Variants in KEL observed in about 807,000 individuals in gnomAD.
KEL encodes Kell metallo-endopeptidase (Kell blood group).
A neutral mutation model predicts 99.5 loss-of-function variants in KEL; 96 were observed. The ratio of observed to expected loss-of-function variants is 0.97; its 90% CI spans 0.82 to 1.14. The LOEUF is 1.14. Among genes scored for constraint, KEL ranks in the 50% most tolerant of loss-of-function variants. The pLI is 0.00. For synonymous variants in KEL, 355 were observed against 354.8 expected (o/e 1.00, Z -0.01); for missense variants, 926 against 924.2 (o/e 1.00, Z -0.03).
Position 142,958,427 on chromosome 7 carries a change from C to A in KEL, c.402G>T (p.Glu134Asp). Reference sequence around the variant, plus strand: ...AGCCTGGGTGCCAGGAATTCTGGACCTCTAGAAAGGAAGCATGGGAGTGAG... The same window carrying A: ...AGCCTGGGTGCCAGGAATTCTGGACATCTAGAAAGGAAGCATGGGAGTGAG... Reference protein sequence around the residue: ...KNKNRLRRILEVQNSWHPGSG... With the variant: ...KNKNRLRRILDVQNSWHPGSG... The change falls in exon 5 of 19, where the codon GAG becomes GAT. Residue 134 changes from glutamate to aspartate, a missense_variant and splice_region_variant. By Grantham distance (45) the Glu-to-Asp change is conservative. Coordinates refer to ENST00000355265, the MANE Select transcript of KEL (RefSeq NM_000420.3). The A allele has an allele frequency of 6.2e-7, 1 of 1,613,916 alleles. No homozygotes were observed. The highest frequency in any genetic ancestry group is 8.5e-7 in the Non-Finnish European group (1 of 1,179,996).
chr7:142,943,464 AC>A, intron 15 of KEL, 21 bp downstream of exon 15: 1 of 1,607,804 alleles, frequency 6.2e-7, no homozygotes, highest in East Asian at 2.2e-5. Context: ...CTCCCTACCT[AC>A]CCTTACAGAG....
chr7:142,957,130 T>C (rs1796846826), intron 6 of KEL, among the ~76,000 whole-genome samples: 1 of 152,174 alleles, frequency 6.6e-6, no homozygotes, highest in Admixed American at 6.5e-5. Context: ...AGAGCAGGGC[T>C]TCACCTAACT....
intron 15 of KEL, 50 bp downstream of exon 15, chr7:142,943,436 T>C (rs1796421939): frequency 1.2e-6 from 2 of 1,604,900 alleles, no homozygotes; most frequent in African/African-American, 1.3e-5. Context: ...ATAACACCTG[T>C]CGGCCCCTCT....
intron 4 of KEL, among the ~76,000 whole-genome samples, chr7:142,959,543 TA>T (rs977359780): frequency 1.3e-5 from 2 of 152,022 alleles, no homozygotes; most frequent in African/African-American, 4.8e-5. Flanking sequence ...TTGAAGAAAT[TA>T]GACAAATTCA....
chr7:142,942,142 G>C (rs1796376402), intron 18 of KEL: 2 of 502,362 alleles, frequency 4.0e-6, no homozygotes, highest in Admixed American at 6.6e-5. Context: ...GTATTTTGGG[G>C]GTATGAGAGG....
At chr7:142,961,283 C>G in intron 3 of KEL, 77 bp downstream of exon 3, 4 of 1,603,030 alleles carry the variant, frequency 2.5e-6, no homozygotes, top group Non-Finnish European at 3.4e-6. Flanking sequence ...GGCAGAAGCC[C>G]CAGGAGCAGG....
chr7:142,961,256 C>A (rs975528644), intron 3 of KEL, 104 bp downstream of exon 3: 72 of 1,560,380 alleles, frequency 4.6e-5, no homozygotes, highest in Non-Finnish European at 6.2e-5. Context: ...ACCATGGGGA[C>A]CCCAAGGGTC....
intron 3 of KEL, 80 bp downstream of exon 3, chr7:142,961,280 G>GC (rs751257169): frequency 1.3e-4 from 203 of 1,596,104 alleles, no homozygotes; most frequent in Non-Finnish European, 1.5e-4. Flanking sequence ...GTGGGCAGAA[G>GC]CCCCAGGAGC....
rs1796761660 is a variant in KEL at position 142,954,100 on chromosome 7, G to A, written c.924+84C>T. 1.4e-5 allele frequency: 20 copies of A among 1,445,216 alleles called. No individual in the cohort carries two copies. In the Admixed American group the frequency reaches 2.4e-4, roughly 18 times the overall value. 89.5% of individuals were successfully genotyped at this position (1,445,216 alleles called of 1,614,324 possible). On this transcript the variant is annotated intron_variant, in intron 8 of 18. Transcript: ENST00000355265. ...GAGACAGAATGAAAAGGTATTAAGG[G>A]CACTAGGAGGAAGAAGGAAAGGAGG...
At chr7:142,954,060 G>T (rs1383316964) in intron 8 of KEL, 104 bp from the exon 9 acceptor site, 2 of 1,416,356 alleles carry the variant, frequency 1.4e-6, no homozygotes, top group African/African-American at 1.4e-5. Flanking sequence ...CTAACTGGGG[G>T]AGGGGATGGA....
chr7:142,962,145 T>C (rs1046008966), intron 1 of KEL, 59 bp downstream of exon 1: 2 of 1,613,794 alleles, frequency 1.2e-6, no homozygotes, highest in Non-Finnish European at 1.7e-6. Context: ...GGCAGGACTT[T>C]TGCACACAGC....
At chr7:142,946,056 C>T (rs1796515524) in intron 11 of KEL, 151 bp downstream of exon 11, 1 of 659,132 alleles carries the variant, frequency 1.5e-6, no homozygotes, top group Admixed American at 2.2e-5. Flanking sequence ...ATGGAGCAGG[C>T]CTTTGGGTTC....
chr7:142,942,387 T>C (rs1291322252), intron 18 of KEL, 47 bp downstream of exon 18: 1 of 1,362,402 alleles, frequency 7.3e-7, no homozygotes, highest in East Asian at 2.4e-5. Context: ...TAATAAGGCG[T>C]TCAACTGACA....
rs758343933 is a variant in KEL, at chr7:142,954,375, G to A, written c.736-3C>T. 8 of 1,614,114 alleles carry A rather than the reference G, an allele frequency of 5.0e-6. No individual in the cohort carries two copies. Among genetic ancestry groups the A allele is most frequent in the South Asian group, 1.1e-5 (1 of 91,076 alleles). On this transcript the variant is annotated splice_region_variant and splice_polypyrimidine_tract_variant and intron_variant, in intron 7 of 18. Transcript: ENST00000355265. ...TAAGTCAGGTATTCCCGAAAGATCT[G>A]GAGGAAGGAAATGTCAGTCACAGGT...
At position 142,960,948 on chromosome 7, in the gene KEL, T is replaced by A. The variant is rs749011202; in HGVS notation, c.380A>T (p.Asn127Ile). Reference sequence around the variant, plus strand: ...CTCACCCAGTATTCTCCGAAGTCGGTTTTTGTTCTTTGTGGCAAGCTCCTG... The same window carrying A: ...CTCACCCAGTATTCTCCGAAGTCGGATTTTGTTCTTTGTGGCAAGCTCCTG... ...SFQELATKNK[N>I]RLRRILEVQN... The change falls in exon 4 of 19, where the codon AAC becomes ATC. Residue 127 changes from asparagine (N) to isoleucine (I), a missense_variant. Physicochemically the swap from Asn to Ile is moderately radical, Grantham distance 149 (BLOSUM62 -3). Transcript: ENST00000355265. 6.2e-7 allele frequency: 1 copy of A among 1,614,060 alleles called. No individual in the cohort carries two copies. The highest frequency in any genetic ancestry group is 1.3e-5 in the African/African-American group (1 of 74,924).
rs72104159 is a variant in KEL, at chr7:142,948,899, G to GACACACACACACACAC, written c.1204-2598_1204-2583dup. On this transcript the variant is annotated intron_variant, in intron 10 of 18. Coordinates refer to ENST00000355265, the MANE Select transcript of KEL (RefSeq NM_000420.3). Reference sequence around the variant, plus strand: ...AGCCCAGTGTTTCCCAAGCTTCACAGACACACACACACACACACACACACA... The same window carrying GACACACACACACACAC: ...AGCCCAGTGTTTCCCAAGCTTCACAGACACACACACACACACACACACACACACACACACACACACA... Among the ~76,000 whole-genome samples, 686 of 142,256 alleles carry GACACACACACACACAC rather than the reference G, an allele frequency of 4.8e-3. 8 individuals are homozygous for GACACACACACACACAC. The highest frequency in any genetic ancestry group is 0.016 in the African/African-American group (627 of 39,152). The allele number at this position is 142,256 out of a possible 152,430, so 93.3% of individuals were successfully genotyped here.
At position 142,943,274 on chromosome 7, in the gene KEL, A is replaced by C; in HGVS notation, c.1771+2T>G. ...CACCTCCCAGTGGCCCCTGTTACCC[A>C]CAGAGCTGGTAGAAGATGTGCAACA... On this transcript the variant is annotated splice_donor_variant, in intron 16 of 18. Transcript: ENST00000355265. LOFTEE classifies it high-confidence loss of function. The C allele has an allele frequency of 1.2e-6, 2 of 1,613,554 alleles. No individual in the cohort carries two copies. Among genetic ancestry groups the C allele is most frequent in the Non-Finnish European group, 1.7e-6 (2 of 1,179,762 alleles).
At chr7:142,944,289 G>A (rs2116643544) in intron 13 of KEL, 34 bp downstream of exon 13, 3 of 1,530,602 alleles carry the variant, frequency 2.0e-6, no homozygotes, top group South Asian at 1.1e-5. Context: ...AGAAGTCAAG[G>A]ACTGAAAAGG....
Position 142,943,549 on chromosome 7 carries a change from T to C in KEL, c.1640A>G (p.Asp547Gly). 1 of 1,614,108 alleles carries C rather than the reference T, an allele frequency of 6.2e-7. No individual in the cohort carries two copies. Among genetic ancestry groups the C allele is most frequent in the Non-Finnish European group, 8.5e-7 (1 of 1,180,012 alleles). ...TCCAGCTGGAAAGACTACCACATGG[T>C]CAGATACCGAATAGTAAGCATTGAC... ...WDVNAYYSVSDHVVVFPAGLL... is the reference protein window; with the variant it reads ...WDVNAYYSVSGHVVVFPAGLL... The change falls in exon 15 of 19, where the codon GAC (aspartate) becomes GGC (glycine). Residue 547 changes from aspartate to glycine, a missense_variant. By Grantham distance (94) the Asp-to-Gly change is moderately conservative (BLOSUM62 -1). Coordinates refer to ENST00000355265, the MANE Select transcript of KEL (RefSeq NM_000420.3).
Sources: allele counts gnomAD v4.1 joint callset (sites outside exome capture counted in the v4.1 genomes callset), GRCh38; gene constraint gnomAD v4.1.1; transcripts MANE v1.5; gene names NCBI Gene and HGNC (gene_info 2026-07-23, HGNC 2026-07-21).